UGT1A9: variants seen among roughly 807,000 people sequenced by gnomAD.
UGT1A9 encodes the protein UDP glucuronosyltransferase family 1 member A9.
UGT1A9 carries 35 observed loss-of-function variants against 45.0 expected under a neutral mutation model. The ratio of observed to expected loss-of-function variants is 0.78; its 90% confidence interval spans 0.59 to 1.03. The LOEUF (loss-of-function observed/expected upper bound fraction) is 1.03, where lower values mean the gene tolerates loss of function less well. Among genes scored for constraint, UGT1A9 ranks in the 50% least tolerant of loss-of-function variants. The pLI, the probability that UGT1A9 is intolerant of heterozygous loss-of-function variation, is 0.00. For missense variants in UGT1A9, 687 were observed against 666.6 expected (o/e 1.03, Z -0.34); for synonymous variants, 278 against 250.6 (o/e 1.11, Z -1.03).
chr2:233,765,865 C>T (rs953477423), intron 1 of UGT1A9, among the ~76,000 whole-genome samples: 7 of 151,942 alleles, frequency 4.6e-5, no homozygotes, highest in South Asian at 2.1e-4. Context: ...CATGTGACAG[C>T]GGGAGGGGCT....
chr2:233,682,573 G>A (rs779317114), intron 1 of UGT1A9: 1 of 1,613,908 alleles, frequency 6.2e-7, no homozygotes, highest in Non-Finnish European at 8.5e-7. Context: ...ACCACATCAT[G>A]CACTTGGAGG....
At chr2:233,720,989 G>A (rs570345451) in intron 1 of UGT1A9, among the ~76,000 whole-genome samples, 1 of 151,692 alleles carries the variant, frequency 6.6e-6, no homozygotes, top group Non-Finnish European at 1.5e-5. Flanking sequence ...GGGATTACAG[G>A]CAAGAGCCAC....
At position 233,672,178 on chromosome 2, in the gene UGT1A9, A is replaced by G. The variant is rs2074213555; in HGVS notation, c.244A>G (p.Thr82Ala). The G allele has an allele frequency of 1.2e-6, 2 of 1,614,128 alleles. No individual in the cohort carries two copies. Among genetic ancestry groups the G allele is most frequent in the Middle Eastern group, 1.7e-4 (1 of 6,058 alleles). ...CTVKTYSTSY[T>A]LEDLDREFKA... ...AGTGAAGACTTATTCAACTTCATAT[A>G]CCCTGGAGGATCTGGACCGGGAGTT... Residue 82 changes from threonine to alanine, a missense_variant, in exon 1 of 5, where the codon ACC becomes GCC. Coordinates refer to ENST00000354728, the MANE Select transcript of UGT1A9 (RefSeq NM_021027.3).
intron 1 of UGT1A9, chr2:233,747,809 G>A (rs955692001): frequency 4.3e-6 from 7 of 1,613,214 alleles, no homozygotes; most frequent in Admixed American, 3.3e-5. Flanking sequence ...AGTTACTAAC[G>A]ACCAATTCAG....
rs144275831 is a variant in UGT1A9, at chr2:233,718,988, C to A, written c.855+46199C>A. 175 of 1,614,210 alleles carry A rather than the reference C, an allele frequency of 1.1e-4. 1 individual carries two copies. In the Middle Eastern group the frequency reaches 1.3e-3, roughly 12 times the overall value. ...TGCGGGAGCTCCATGCCAGAGGCCA[C>A]CAGGCGGTGGTCCTCACCCCAGAGG... On this transcript the variant is annotated intron_variant, in intron 1 of 4. Coordinates refer to ENST00000354728, the MANE Select transcript of UGT1A9 (RefSeq NM_021027.3).
chr2:233,684,579 T>C (rs2074686061), intron 1 of UGT1A9, among the ~76,000 whole-genome samples: 1 of 152,206 alleles, frequency 6.6e-6, no homozygotes, highest in South Asian at 2.1e-4. Context: ...ATATGAAACA[T>C]TGAGCCATAT....
chr2:233,713,135 G>A (rs772419709), intron 1 of UGT1A9: 5 of 1,614,098 alleles, frequency 3.1e-6, no homozygotes, highest in African/African-American at 1.3e-5. Context: ...GGGAGGCCTT[G>A]CGGGACCTCC....
chr2:233,672,608 A>G lies in UGT1A9; in HGVS notation c.674A>G (p.Lys225Arg), dbSNP rs2074232969. The G allele has an allele frequency of 6.2e-7, 1 of 1,613,834 alleles. No homozygotes were observed. The highest frequency in any genetic ancestry group is 8.5e-7 in the Non-Finnish European group (1 of 1,179,804). The change falls in exon 1 of 5, where the codon AAA becomes AGA. Residue 225 changes from lysine (K) to arginine (R), a missense_variant. By Grantham distance (26) the Lys-to-Arg change is conservative. Transcript: ENST00000354728. ...CATTTATTATGCCACCGTTTTTTCA[A>G]AAATGCCCTAGAAATAGCCTCTGAA... ...EEHLLCHRFF[K>R]NALEIASEIL...
intron 1 of UGT1A9, chr2:233,719,666 C>A (rs766884257): frequency 1.7e-5 from 27 of 1,614,092 alleles, no homozygotes; most frequent in Non-Finnish European, 2.2e-5. Flanking sequence ...TCAACTGTGC[C>A]AACGGGAAGC....
intron 1 of UGT1A9, chr2:233,747,691 T>G (rs1693753923): frequency 1.2e-6 from 2 of 1,611,090 alleles, no homozygotes; most frequent in Non-Finnish European, 1.7e-6. Context: ...TGTGGGGCAG[T>G]GCTGGCTAAG....
At chr2:233,693,293 A>G (rs978243780) in intron 1 of UGT1A9, 6 of 1,614,104 alleles carry the variant, frequency 3.7e-6, no homozygotes, top group African/African-American at 1.3e-5. Context: ...ATTTGGAAAC[A>G]ATCACTTTGC....
chr2:233,693,069 G>A (rs752839678), intron 1 of UGT1A9: 1 of 1,614,148 alleles, frequency 6.2e-7, no homozygotes, highest in Non-Finnish European at 8.5e-7. Flanking sequence ...GCACTTTGGG[G>A]CATGGTTGTA....
intron 1 of UGT1A9, chr2:233,721,835 C>T: frequency 1.9e-6 from 1 of 516,042 alleles, no homozygotes; most frequent in South Asian, 1.4e-5. Context: ...GGCCACCGAC[C>T]TTGTGTCCAG....
chr2:233,714,390 A>T (rs994854711), intron 1 of UGT1A9, among the ~76,000 whole-genome samples: 2 of 152,218 alleles, frequency 1.3e-5, no homozygotes, highest in Non-Finnish European at 2.9e-5. Context: ...AATTGGGCCA[A>T]TGTAGGTGCA....
intron 1 of UGT1A9, among the ~76,000 whole-genome samples, chr2:233,706,158 T>C (rs781682241): frequency 2.0e-5 from 3 of 152,190 alleles, no homozygotes; most frequent in Non-Finnish European, 4.4e-5. Context: ...GAGAACCTTC[T>C]AAATGTGGAA....
chr2:233,765,571 G>A (rs997936570), intron 1 of UGT1A9, among the ~76,000 whole-genome samples: 4 of 152,064 alleles, frequency 2.6e-5, no homozygotes, highest in Admixed American at 2.0e-4. Flanking sequence ...ATGCGTAGAC[G>A]CAGGGAGGGG....
rs1700239746 is a variant in UGT1A9, at chr2:233,771,113, A to C, written c.1296-1149A>C. The C allele has an allele frequency of 2.0e-5, 3 of 152,176 alleles. No homozygotes were observed. The South Asian group carries it at 6.2e-4, about 32-fold the overall frequency. The allele number at this position is 152,176 out of a possible 1,614,324, so 9.4% of individuals were successfully genotyped here. A position where few individuals can be genotyped will look rare whatever the true frequency, so the allele number is the denominator to read the frequency against. ...TATCAGGAAGACAGCACTAAAGCAC[A>C]AGGGATCCGACCCCATGATCCAAAC... is the stretch of plus-strand genomic sequence containing the variant. On this transcript the variant is annotated intron_variant, in intron 4 of 4. Transcript: ENST00000354728.
intron 1 of UGT1A9, among the ~76,000 whole-genome samples, chr2:233,685,913 T>C (rs1035052021): frequency 6.6e-6 from 1 of 152,240 alleles, no homozygotes; most frequent in Non-Finnish European, 1.5e-5. Context: ...CAATCCATCA[T>C]TAAATTTATC....
Position 233,772,467 on chromosome 2 carries a change from T to C in UGT1A9, c.1501T>C (p.Phe501Leu), listed in dbSNP as rs761746377. Residue 501 changes from phenylalanine to leucine, a missense_variant, in exon 5 of 5, where the codon TTC becomes CTC. Transcript: ENST00000354728. ...FLLAVVLTVA[F>L]ITFKCCAYGY... is the part of the protein sequence containing the mutation. ...CTTGGCCGTCGTGCTGACAGTGGCC[T>C]TCATCACCTTTAAATGTTGTGCTTA... is the stretch of plus-strand genomic sequence containing the variant. 2 of 1,614,038 alleles carry C rather than the reference T, an allele frequency of 1.2e-6. No individual in the cohort carries two copies. The highest frequency in any genetic ancestry group is 1.3e-5 in the African/African-American group (1 of 74,916).
Sources: allele counts gnomAD v4.1 joint callset (sites outside exome capture counted in the v4.1 genomes callset), GRCh38; gene constraint gnomAD v4.1.1; transcripts MANE v1.5; gene names NCBI Gene and HGNC (gene_info 2026-07-23, HGNC 2026-07-21).